Variants in CEP72 observed in about 807,000 individuals in gnomAD.
The protein encoded by CEP72 is centrosomal protein of 72 kDa.
In CEP72, 78 loss-of-function variants were observed where a neutral mutation model predicts 65.7. The observed-to-expected ratio is 1.19, with a 90% CI of 0.99 to 1.43. The LOEUF (loss-of-function observed/expected upper bound fraction) is 1.43, where lower values mean the gene tolerates loss of function less well. CEP72 is among the 40% of genes most tolerant of loss of function. The probability of loss-of-function intolerance (pLI) is 0.00; values close to 1 mark genes in which losing one functional copy is unlikely to be tolerated. For synonymous variants in CEP72, 358 were observed against 351.7 expected (o/e 1.02, Z -0.20); for missense variants, 914 against 832.9 (o/e 1.10, Z -1.20).
intron 4 of CEP72, among the ~76,000 whole-genome samples, chr5:625,754 C>T (rs752768556): frequency 6.2e-4 from 95 of 152,300 alleles, no homozygotes; most frequent in Non-Finnish European, 1.1e-3. Flanking sequence ...CCATGCCCCT[C>T]CTGGCTGCTG....
At position 637,950 on chromosome 5, in the gene CEP72, C is replaced by T. The variant is rs552714473; in HGVS notation, c.1206+132C>T. On this transcript the variant is annotated intron_variant, in intron 7 of 11. Transcript: ENST00000264935. Reference sequence around the variant, plus strand: ...CCTCCCTGATGCAGGGCTGTTACGGCGGTGCCGTGATTACGCCTACGGCAC... The same window carrying T: ...CCTCCCTGATGCAGGGCTGTTACGGTGGTGCCGTGATTACGCCTACGGCAC... The T allele has an allele frequency of 2.1e-5, 19 of 901,408 alleles. No individual in the cohort carries two copies. In the African/African-American group the frequency reaches 2.3e-4, roughly 11 times the overall value. The allele number at this position is 901,408 out of a possible 1,614,324, so 55.8% of individuals were successfully genotyped here.
At chr5:649,884 G>T (rs527700605) in intron 11 of CEP72, among the ~76,000 whole-genome samples, 7 of 129,140 alleles carry the variant, frequency 5.4e-5, no homozygotes, top group African/African-American at 2.0e-4. Flanking sequence ...GGACTGTGAG[G>T]TGGGACTGTG....
chr5:665,235 T>C, exon 3 of CEP72: 2 of 1,613,788 alleles, frequency 1.2e-6, no homozygotes, highest in Non-Finnish European at 1.7e-6. Context: ...GCGCTCCTTG[T>C]GGGAGCCCGT....
At chr5:659,299 T>C (rs974073892), downstream of CEP72, among the ~76,000 whole-genome samples, 3 of 152,266 alleles carry the variant, frequency 2.0e-5, no homozygotes, top group Non-Finnish European at 4.4e-5. Flanking sequence ...AGTATTGATA[T>C]AGCCACTGTT....
the CEP72 span, among the ~76,000 whole-genome samples, chr5:674,903 T>C: frequency 6.7e-6 from 1 of 150,184 alleles, no homozygotes; most frequent in Non-Finnish European, 1.5e-5. Flanking sequence ...AAGCAAGGCC[T>C]GTACTGCAGA....
In CEP72 at chr5:620,242, C is replaced by T. The variant is rs1350037743; in HGVS notation, c.384C>T (p.Leu128=). ...PDYRLFVVHL[L]PKLQQLDDRP... ...ACCGCCTTTTTGTTGTGCACCTGCT[C>T]CCCAAGCTCCAGCAGCTGGGTAGGC... The change falls in exon 3 of 12, where the codon CTC becomes CTT. Residue 128 remains leucine, a synonymous_variant. Transcript: ENST00000264935. 6.2e-7 allele frequency: 1 copy of T among 1,613,670 alleles called. No homozygotes were observed. Among genetic ancestry groups the T allele is most frequent in the Admixed American group, 1.7e-5 (1 of 60,014 alleles).
At chr5:675,442 CAGTGTGGCT>C in the CEP72 span, among the ~76,000 whole-genome samples, 5 of 43,410 alleles carry the variant, frequency 1.2e-4, no homozygotes, top group African/African-American at 1.3e-4. Context: ...ACGGTGGGTG[CAGTGTGGCT>C]GGGGTGCAGC....
At chr5:656,629 G>A (rs1739386878), downstream of CEP72, among the ~76,000 whole-genome samples, 3 of 152,092 alleles carry the variant, frequency 2.0e-5, no homozygotes, top group African/African-American at 2.4e-5. Context: ...ATTTGTATCC[G>A]GCAGTCTAGT....
intron 1 of CEP72, among the ~76,000 whole-genome samples, chr5:616,383 A>G (rs1302470628): frequency 6.6e-6 from 1 of 150,484 alleles, no homozygotes; most frequent in African/African-American, 2.4e-5. Context: ...AGGTGTTTGT[A>G]ATTGCTCATT....
downstream of CEP72, among the ~76,000 whole-genome samples, chr5:671,829 A>G (rs1296029329): frequency 6.6e-6 from 1 of 152,218 alleles, no homozygotes; most frequent in Non-Finnish European, 1.5e-5. Context: ...AGCCCGGGAC[A>G]GGGTGGCACC....
At chr5:618,895 C>A in intron 1 of CEP72, 95 bp from the exon 2 acceptor site, 2 of 933,344 alleles carry the variant, frequency 2.1e-6, no homozygotes, top group South Asian at 1.6e-5. Context: ...GAATCTGTGT[C>A]AGTTTCTACT....
At chr5:641,362 T>C (rs1561052925) in intron 9 of CEP72, 2 of 985,394 alleles carry the variant, frequency 2.0e-6, no homozygotes, top group East Asian at 1.1e-4. Flanking sequence ...CACGTGAGGA[T>C]GTGCACATCC....
intron 7 of CEP72, among the ~76,000 whole-genome samples, chr5:638,565 G>A (rs1038984039): frequency 4.0e-5 from 6 of 151,510 alleles, no homozygotes; most frequent in African/African-American, 1.5e-4. Flanking sequence ...GCATGGGGTG[G>A]GGGGGGGTCC....
intron 4 of CEP72, among the ~76,000 whole-genome samples, chr5:627,314 G>A (rs1423868156): frequency 6.6e-6 from 1 of 152,226 alleles, no homozygotes; most frequent in East Asian, 1.9e-4. Context: ...TCTGGGATCT[G>A]TGGTGATAAC....
chr5:648,815 GTGTGA>G (rs1738649170), intron 11 of CEP72, among the ~76,000 whole-genome samples: 4 of 132,610 alleles, frequency 3.0e-5, no homozygotes, highest in African/African-American at 1.2e-4. Context: ...GGACTGTGAG[GTGTGA>G]CTGTGAGGTG....
At chr5:662,534 C>T (rs72707008) in intron 1 of CEP72, 2,325 of 152,598 alleles carry the variant, frequency 0.015, 25 homozygotes, top group Non-Finnish European at 0.024. Context: ...CCGTCCTGAC[C>T]CGGCGCCAGG....
At chr5:647,420 G>A (rs1456255927) in intron 10 of CEP72, among the ~76,000 whole-genome samples, 1 of 152,260 alleles carries the variant, frequency 6.6e-6, no homozygotes, top group East Asian at 1.9e-4. Flanking sequence ...GCTGCTTGGT[G>A]CTTTTCCCGA....
At chr5:642,735 C>G in intron 9 of CEP72, 1 of 985,350 alleles carries the variant, frequency 1.0e-6, no homozygotes, top group Non-Finnish European at 1.2e-6. Flanking sequence ...GCAGCCCGAG[C>G]CCCGCGGGTA....
At chr5:666,268 A>C in intron 4 of CEP72, 1 of 871,808 alleles carries the variant, frequency 1.1e-6, no homozygotes, top group Non-Finnish European at 1.7e-6. Context: ...AGCACTGCAA[A>C]TCCAAACTGT....
Sources: gnomAD v4.1 joint callset for allele counts (sites outside exome capture counted in the v4.1 genomes callset) on GRCh38, gnomAD v4.1.1 for gene constraint, MANE v1.5 for transcripts, NCBI Gene and HGNC (gene_info 2026-07-23, HGNC 2026-07-21) for gene names.